PTPRT: variants seen among roughly 807,000 people sequenced by gnomAD.
PTPRT encodes the protein receptor-type tyrosine-protein phosphatase T.
A neutral mutation model predicts 176.8 loss-of-function variants in PTPRT; 56 were observed. The observed-to-expected ratio is 0.32, with a 90% confidence interval of 0.26 to 0.40. The LOEUF is 0.40. Ranked by LOEUF, PTPRT falls within the 10% of genes least tolerant of loss-of-function variation. The pLI, the probability that PTPRT is intolerant of heterozygous loss-of-function variation, is 1.00. For missense variants in PTPRT, 1,540 were observed against 1,908.2 expected, an observed-to-expected ratio of 0.81 and a Z score of 3.60; for synonymous variants, 783 against 739.0, an observed-to-expected ratio of 1.06 and a Z score of -0.96.
intron 1 of PTPRT, among the ~76,000 whole-genome samples, chr20:42,931,430 G>T (rs1330103235): frequency 2.6e-5 from 4 of 152,188 alleles, no homozygotes; most frequent in Non-Finnish European, 5.9e-5. Context: ...GAAAATAAAT[G>T]CCTGTTGTTT....
At chr20:42,202,454 T>G (rs1600669928) in intron 15 of PTPRT, among the ~76,000 whole-genome samples, 1 of 152,256 alleles carries the variant, frequency 6.6e-6, no homozygotes, top group East Asian at 1.9e-4. Flanking sequence ...GTAAAATGAT[T>G]CCAGGCAGAT....
chr20:42,715,041 GAGC>G (rs2076202689), intron 6 of PTPRT, among the ~76,000 whole-genome samples: 1 of 152,208 alleles, frequency 6.6e-6, no homozygotes, highest in South Asian at 2.1e-4. Flanking sequence ...GCTTCAGAAA[GAGC>G]AGGTTATAGT....
At chr20:42,453,389 T>C (rs1041095533) in intron 8 of PTPRT, among the ~76,000 whole-genome samples, 2 of 146,998 alleles carry the variant, frequency 1.4e-5, no homozygotes, top group African/African-American at 5.2e-5. Context: ...TAGGACTTTA[T>C]TATTGTTCAT....
rs141036041 is a variant in PTPRT, at chr20:42,907,180, C to G, written c.89-21248G>C. Among the ~76,000 whole-genome samples the G allele has an allele frequency of 5.8e-3, 884 of 152,130 alleles. 8 individuals carry two copies. The highest frequency in any genetic ancestry group is 0.041 in the Middle Eastern group (12 of 294). The stretch of plus-strand genomic sequence containing the variant: ...TAAAAAGAAGACCTCTGAAAATGAT[C>G]CACTGAAAGAACCCGAAGAACGCTT... On this transcript the variant is annotated intron_variant, in intron 1 of 30. Transcript: ENST00000373187.
chr20:42,442,415 T>A (rs2059324503), intron 9 of PTPRT, among the ~76,000 whole-genome samples: 1 of 152,242 alleles, frequency 6.6e-6, no homozygotes, highest in Admixed American at 6.5e-5. Flanking sequence ...CGCCTTGTTT[T>A]ATTGAAGCGA....
chr20:42,074,070 G>A lies in PTPRT; in HGVS notation c.*6809C>T. ...TTGACTTCATCCAAGAATCTGCAGA[G>A]CTATGGAAGATATGGACACCATATT... On this transcript the variant is annotated 3_prime_UTR_variant, in exon 31 of 31. Coordinates refer to ENST00000373187, the MANE Select transcript of PTPRT (RefSeq NM_007050.6). The A allele has an allele frequency of 4.3e-6, 1 of 229,898 alleles. No homozygotes were observed. 14.2% of individuals were successfully genotyped at this position (229,898 alleles called of 1,614,324 possible).
chr20:42,236,997 C>T (rs1401756452), intron 14 of PTPRT, among the ~76,000 whole-genome samples: 1 of 152,112 alleles, frequency 6.6e-6, no homozygotes, highest in African/African-American at 2.4e-5. Context: ...CCTCAGTCTC[C>T]ATAGAAGAAG....
rs555559094 is a variant in PTPRT, at chr20:42,550,212, T to C, written c.1154-77650A>G. 2.0e-3 allele frequency among the ~76,000 whole-genome samples: 303 copies of C among 152,242 alleles called. 1 individual carries two copies. Among genetic ancestry groups the C allele is most frequent in the South Asian group, 4.2e-3 (20 of 4,812 alleles). ...CTTTCTTGCCATAGGGGTACGTATG[T>C]GACTTTAGGAAGGACAGTGAGAGCC... On this transcript the variant is annotated intron_variant, in intron 7 of 30. Coordinates refer to ENST00000373187, the MANE Select transcript of PTPRT (RefSeq NM_007050.6).
intron 1 of PTPRT, among the ~76,000 whole-genome samples, chr20:43,022,649 G>A (rs1985737403): frequency 6.6e-6 from 1 of 152,220 alleles, no homozygotes; most frequent in South Asian, 2.1e-4. Context: ...CAGGCAGAGA[G>A]GACCTGCATT....
chr20:42,609,537 C>G (rs912290251), intron 7 of PTPRT, among the ~76,000 whole-genome samples: 1 of 152,182 alleles, frequency 6.6e-6, no homozygotes, highest in Non-Finnish European at 1.5e-5. Flanking sequence ...AGCCAGTGTT[C>G]AAAAGGAGGC....
At chr20:42,887,782 C>G (rs2079126179) in intron 1 of PTPRT, among the ~76,000 whole-genome samples, 1 of 152,204 alleles carries the variant, frequency 6.6e-6, no homozygotes, top group Admixed American at 6.5e-5. Flanking sequence ...TGGCCTTCAG[C>G]AACTACTATG....
chr20:42,100,300 A>G (rs1477377443), intron 26 of PTPRT, among the ~76,000 whole-genome samples: 1 of 152,202 alleles, frequency 6.6e-6, no homozygotes, highest in African/African-American at 2.4e-5. Context: ...CCGGCAATCC[A>G]TTTCATGGAT....
At chr20:43,070,308 T>C (rs1186910278) in intron 1 of PTPRT, among the ~76,000 whole-genome samples, 1 of 152,052 alleles carries the variant, frequency 6.6e-6, no homozygotes, top group Non-Finnish European at 1.5e-5. Flanking sequence ...TGGCGATCAT[T>C]AAAAAGTCAG....
chr20:42,810,913 TG>T (rs1309214743), intron 2 of PTPRT, among the ~76,000 whole-genome samples: 20 of 152,260 alleles, frequency 1.3e-4, no homozygotes, highest in African/African-American at 4.8e-4. Flanking sequence ...AATCACTTTC[TG>T]ACTATATAAC....
chr20:42,288,242 C>T (rs1452739306), intron 12 of PTPRT, among the ~76,000 whole-genome samples: 1 of 151,972 alleles, frequency 6.6e-6, no homozygotes, highest in Admixed American at 6.6e-5. Context: ...CCTCATGCTT[C>T]TTCTGGTCAC....
At chr20:42,632,707 T>G (rs181191416) in intron 7 of PTPRT, among the ~76,000 whole-genome samples, 1 of 150,452 alleles carries the variant, frequency 6.6e-6, no homozygotes, top group African/African-American at 2.4e-5. Context: ...ACTATATTAA[T>G]ATATATCTTT....
In PTPRT at chr20:42,075,791, T is replaced by C. The variant is rs1982710384; in HGVS notation, c.*5088A>G. ...TGAGGACTTACAGCAAGAGCTAGTG[T>C]GGCAATGGGGAGTGGAGGATGAATA... On this transcript the variant is annotated 3_prime_UTR_variant, in exon 31 of 31. Coordinates refer to ENST00000373187, the MANE Select transcript of PTPRT (RefSeq NM_007050.6). 4.9e-6 allele frequency: 1 copy of C among 203,332 alleles called. No homozygotes were observed. The highest frequency in any genetic ancestry group is 1.0e-5 in the Non-Finnish European group (1 of 99,194). The allele number at this position is 203,332 out of a possible 1,614,324, so 12.6% of individuals were successfully genotyped here.
downstream of PTPRT, among the ~76,000 whole-genome samples, chr20:42,068,014 G>A (rs1006309316): frequency 3.3e-5 from 5 of 152,198 alleles, no homozygotes; most frequent in African/African-American, 1.2e-4. Context: ...GGGTCTGCTT[G>A]TTCTGGGACC....
At chr20:43,138,228 C>T (rs538141060) in intron 1 of PTPRT, among the ~76,000 whole-genome samples, 1 of 152,354 alleles carries the variant, frequency 6.6e-6, no homozygotes, top group East Asian at 1.9e-4. Flanking sequence ...CTCTGACACA[C>T]AGGGTCTGAA....
Sources: allele counts gnomAD v4.1 joint callset (sites outside exome capture counted in the v4.1 genomes callset), GRCh38; gene constraint gnomAD v4.1.1; transcripts MANE v1.5; gene names NCBI Gene and HGNC (gene_info 2026-07-23, HGNC 2026-07-21).